Variants in CRIM1 observed in about 807,000 individuals in gnomAD.
CRIM1 encodes cysteine rich transmembrane BMP regulator 1, also known as cysteine-rich motor neuron 1 protein.
A neutral mutation model predicts 116.4 loss-of-function variants in CRIM1; 32 were observed. The observed-to-expected ratio is 0.27, with a 90% CI of 0.21 to 0.37. CRIM1 has a LOEUF of 0.37. Among genes scored for constraint, CRIM1 ranks in the 10% least tolerant of loss-of-function variants. The pLI is 1.00. For synonymous variants in CRIM1, 590 were observed against 509.2 expected (o/e 1.16, Z -2.13); for missense variants, 1,331 against 1,354.8 (o/e 0.98, Z 0.28).
intron 1 of CRIM1, among the ~76,000 whole-genome samples, chr2:36,391,962 CT>C (rs1671645797): frequency 6.6e-6 from 1 of 152,134 alleles, no homozygotes; most frequent in Non-Finnish European, 1.5e-5. Context: ...CTTGAATGCC[CT>C]TGATCGAAGC....
chr2:36,459,354 T>A (rs1191733418), intron 4 of CRIM1, among the ~76,000 whole-genome samples: 1 of 152,214 alleles, frequency 6.6e-6, no homozygotes, highest in East Asian at 1.9e-4. Flanking sequence ...CCTAGAAGCT[T>A]GCAGTCTAAA....
chr2:36,476,936 G>C lies in CRIM1; in HGVS notation c.1039G>C (p.Asp347His), dbSNP rs767007762. ...VFNNVEYYDG[D>H]MFRMDNCRFC... ...TAACAATGTGGAATATTATGATGGA[G>C]ACATGTTTCGAATGGACAACTGTCG... is the stretch of plus-strand genomic sequence containing the variant. Residue 347 changes from aspartate to histidine, a missense_variant, in exon 6 of 17, where the codon GAC becomes CAC. Transcript: ENST00000280527. 1.2e-6 allele frequency: 2 copies of C among 1,613,996 alleles called. No homozygotes were observed. The highest frequency in any genetic ancestry group is 1.7e-6 in the Non-Finnish European group (2 of 1,179,966).
intron 1 of CRIM1, among the ~76,000 whole-genome samples, chr2:36,366,991 A>G (rs879471481): frequency 2.6e-5 from 4 of 152,332 alleles, no homozygotes; most frequent in Non-Finnish European, 5.9e-5. Flanking sequence ...AGAATATTCC[A>G]TCATGTTATC....
chr2:36,428,367 A>G (rs1418148405), intron 2 of CRIM1, among the ~76,000 whole-genome samples: 1 of 152,256 alleles, frequency 6.6e-6, no homozygotes, highest in Non-Finnish European at 1.5e-5. Context: ...AGACAGAATC[A>G]TTCCCACATT....
chr2:36,543,098 A>G (rs1667060725), intron 14 of CRIM1, among the ~76,000 whole-genome samples: 1 of 152,154 alleles, frequency 6.6e-6, no homozygotes. Flanking sequence ...AGGTTTTATA[A>G]TATAACTAAG....
intron 1 of CRIM1, among the ~76,000 whole-genome samples, chr2:36,382,233 G>A (rs3755219): frequency 0.17 from 26,292 of 152,226 alleles, 2,418 homozygotes; most frequent in Admixed American, 0.25. Flanking sequence ...GTGTTGGCAA[G>A]CCAGCTTTTC....
intron 13 of CRIM1, among the ~76,000 whole-genome samples, chr2:36,534,348 G>A (rs1666352890): frequency 8.0e-6 from 1 of 124,436 alleles, no homozygotes; most frequent in Admixed American, 8.2e-5. Flanking sequence ...GAGGGAGGAG[G>A]AGGGAAGGAA....
At chr2:36,497,109 G>A (rs1191475661) in intron 7 of CRIM1, among the ~76,000 whole-genome samples, 1 of 152,118 alleles carries the variant, frequency 6.6e-6, no homozygotes, top group Admixed American at 6.6e-5. Flanking sequence ...TATGTTTTCT[G>A]AAGGCAAAAT....
chr2:36,409,973 A>G (rs941856190), intron 2 of CRIM1, among the ~76,000 whole-genome samples: 1 of 152,242 alleles, frequency 6.6e-6, no homozygotes, highest in Non-Finnish European at 1.5e-5. Context: ...GATAAGAATA[A>G]TGGATTCCCA....
At chr2:36,536,171 T>C (rs1034470313) in intron 13 of CRIM1, among the ~76,000 whole-genome samples, 1 of 152,204 alleles carries the variant, frequency 6.6e-6, no homozygotes, top group Non-Finnish European at 1.5e-5. Context: ...GCTGCAAAGC[T>C]TCGGGCTGCT....
intron 4 of CRIM1, among the ~76,000 whole-genome samples, chr2:36,444,408 G>A (rs768405153): frequency 6.6e-6 from 1 of 152,208 alleles, no homozygotes; most frequent in Admixed American, 6.5e-5. Context: ...TTTCCGTCTG[G>A]ATGGCCACCT....
At chr2:36,360,265 C>G (rs1236173347) in intron 1 of CRIM1, among the ~76,000 whole-genome samples, 1 of 152,148 alleles carries the variant, frequency 6.6e-6, no homozygotes, top group East Asian at 1.9e-4. Flanking sequence ...TTTGTACAGA[C>G]AGAGTGATGA....
At chr2:36,493,943 T>G (rs1680407796) in intron 7 of CRIM1, among the ~76,000 whole-genome samples, 1 of 152,168 alleles carries the variant, frequency 6.6e-6, no homozygotes, top group Non-Finnish European at 1.5e-5. Context: ...AATGTGAGGG[T>G]AAGACTGATC....
chr2:36,495,320 C>T (rs544345426), intron 7 of CRIM1, among the ~76,000 whole-genome samples: 2 of 152,024 alleles, frequency 1.3e-5, no homozygotes, highest in East Asian at 1.9e-4. Flanking sequence ...AGGCAATTTC[C>T]GTATTCAAAG....
At chr2:36,463,822 G>C (rs1366695508) in intron 4 of CRIM1, among the ~76,000 whole-genome samples, 1 of 152,188 alleles carries the variant, frequency 6.6e-6, no homozygotes, top group Non-Finnish European at 1.5e-5. Context: ...CGTGCAGAGA[G>C]ATCGATGCTC....
chr2:36,357,798 C>G (rs1306230068), intron 1 of CRIM1, among the ~76,000 whole-genome samples: 1 of 152,146 alleles, frequency 6.6e-6, no homozygotes, highest in Non-Finnish European at 1.5e-5. Context: ...GTGCCTTCCT[C>G]ACTACTCACA....
chr2:36,520,877 C>G (rs1205679625), intron 12 of CRIM1, among the ~76,000 whole-genome samples: 1 of 152,306 alleles, frequency 6.6e-6, no homozygotes, highest in East Asian at 1.9e-4. Context: ...TGGTTCTTGA[C>G]TAAAAATAAC....
intron 7 of CRIM1, among the ~76,000 whole-genome samples, chr2:36,495,851 A>AT (rs1680548976): frequency 6.6e-6 from 1 of 152,136 alleles, no homozygotes; most frequent in East Asian, 1.9e-4. Flanking sequence ...ATAATGTGAG[A>AT]TTTTTTTCTA....
At chr2:36,421,345 T>C (rs1421014463) in intron 2 of CRIM1, among the ~76,000 whole-genome samples, 3 of 152,228 alleles carry the variant, frequency 2.0e-5, no homozygotes, top group Admixed American at 6.5e-5. Context: ...CAATCAGTAC[T>C]GTTTAAAATG....
Sources: allele counts gnomAD v4.1 joint callset (sites outside exome capture counted in the v4.1 genomes callset), GRCh38; gene constraint gnomAD v4.1.1; transcripts MANE v1.5; gene names NCBI Gene and HGNC (gene_info 2026-07-23, HGNC 2026-07-21).